The following BABAM2 variants were observed in gnomAD, a reference collection of about 807,000 sequenced individuals.
BABAM2 encodes BRISC and BRCA1 A complex member 2.
In BABAM2, 31 loss-of-function variants were observed where a neutral mutation model predicts 54.7. The observed-to-expected ratio is 0.57, with a 90% CI of 0.43 to 0.77. The LOEUF (loss-of-function observed/expected upper bound fraction) is 0.77. BABAM2 is among the 30% of genes least tolerant of loss of function. The pLI is 0.00. For missense variants in BABAM2, 364 were observed against 455.8 expected, an observed-to-expected ratio of 0.80 and a Z score of 1.83; for synonymous variants, 167 against 162.9, an observed-to-expected ratio of 1.03 and a Z score of -0.19.
chr2:27,948,715 G>T (rs1319898986), intron 3 of BABAM2, among the ~76,000 whole-genome samples: 6 of 152,086 alleles, frequency 3.9e-5, no homozygotes, highest in Non-Finnish European at 8.8e-5. Flanking sequence ...AGGTTGCAGT[G>T]AGCTGAAATC....
chr2:28,212,684 AC>A (rs1477120243), intron 7 of BABAM2, among the ~76,000 whole-genome samples: 1 of 152,046 alleles, frequency 6.6e-6, no homozygotes, highest in African/African-American at 2.4e-5. Context: ...CCTGCTCCCG[AC>A]CCCCTCATTT....
chr2:27,968,837 G>A (rs750308963), intron 3 of BABAM2, among the ~76,000 whole-genome samples: 2 of 152,178 alleles, frequency 1.3e-5, no homozygotes, highest in Non-Finnish European at 2.9e-5. Flanking sequence ...AGGTAGAAGG[G>A]ACTTGCCTTG....
intron 7 of BABAM2, among the ~76,000 whole-genome samples, chr2:28,130,616 T>C (rs1419428398): frequency 6.6e-6 from 1 of 151,758 alleles, no homozygotes; most frequent in Non-Finnish European, 1.5e-5. Context: ...GCATGCCTAA[T>C]GTTTTTATTT....
At chr2:28,063,973 C>T (rs1679110601) in intron 6 of BABAM2, among the ~76,000 whole-genome samples, 1 of 152,160 alleles carries the variant, frequency 6.6e-6, no homozygotes, top group Admixed American at 6.5e-5. Flanking sequence ...GATTTCAATT[C>T]AGGTCTGTCT....
At chr2:28,185,289 G>C (rs1676159242) in intron 7 of BABAM2, among the ~76,000 whole-genome samples, 1 of 152,144 alleles carries the variant, frequency 6.6e-6, no homozygotes, top group African/African-American at 2.4e-5. Flanking sequence ...ACTCCAGGTG[G>C]ATGTTTGTGT....
intron 11 of BABAM2, among the ~76,000 whole-genome samples, chr2:28,334,555 G>A (rs1014435503): frequency 2.6e-5 from 4 of 152,244 alleles, no homozygotes; most frequent in African/African-American, 9.6e-5. Context: ...GTACTGGGAT[G>A]GGCCAGACTC....
chr2:28,066,413 A>G (rs1324451706), intron 6 of BABAM2, among the ~76,000 whole-genome samples: 4 of 152,174 alleles, frequency 2.6e-5, no homozygotes, highest in African/African-American at 9.7e-5. Flanking sequence ...GAAGTCACTG[A>G]TAGCCTCTTT....
intron 4 of BABAM2, among the ~76,000 whole-genome samples, chr2:28,021,811 G>C (rs1321078724): frequency 6.6e-6 from 1 of 151,460 alleles, no homozygotes; most frequent in Non-Finnish European, 1.5e-5. Flanking sequence ...CCCTTTTTAA[G>C]CAGAGATGGT....
chr2:28,005,572 A>T (rs1258415954), intron 4 of BABAM2, among the ~76,000 whole-genome samples: 1 of 152,182 alleles, frequency 6.6e-6, no homozygotes, highest in East Asian at 1.9e-4. Flanking sequence ...TTTAAGCCAG[A>T]TTAAACAATT....
At chr2:27,933,886 A>G (rs369771932) in intron 3 of BABAM2, among the ~76,000 whole-genome samples, 1 of 149,114 alleles carries the variant, frequency 6.7e-6, no homozygotes, top group Admixed American at 6.8e-5. Flanking sequence ...GGCACACACC[A>G]CCATGCCCAG....
At chr2:27,915,618 T>C (rs936049767) in intron 2 of BABAM2, among the ~76,000 whole-genome samples, 1 of 152,240 alleles carries the variant, frequency 6.6e-6, no homozygotes, top group African/African-American at 2.4e-5. Context: ...TATGCTCATA[T>C]AGCAGATGCT....
chr2:28,195,081 A>G (rs1031813608), intron 7 of BABAM2, among the ~76,000 whole-genome samples: 1 of 152,140 alleles, frequency 6.6e-6, no homozygotes, highest in South Asian at 2.1e-4. Context: ...ATAGAGAGGA[A>G]CCTCTCTGAG....
intron 5 of BABAM2, among the ~76,000 whole-genome samples, chr2:28,026,883 T>A (rs13412617): frequency 7.9e-5 from 4 of 50,522 alleles, no homozygotes; most frequent in South Asian, 1.2e-3. Flanking sequence ...TTTATATATA[T>A]ATAGATATAT....
intron 6 of BABAM2, among the ~76,000 whole-genome samples, chr2:28,121,710 T>C (rs1286151229): frequency 1.3e-5 from 2 of 152,136 alleles, no homozygotes; most frequent in Non-Finnish European, 2.9e-5. Context: ...ATAACATTTG[T>C]AACATACTAT....
chr2:28,203,145 C>T (rs1457373087), intron 7 of BABAM2, among the ~76,000 whole-genome samples: 1 of 152,152 alleles, frequency 6.6e-6, no homozygotes, highest in Non-Finnish European at 1.5e-5. Context: ...ACTTAATTTA[C>T]TTCTTTTAGT....
At chr2:28,174,845 G>A (rs1033360554) in intron 7 of BABAM2, among the ~76,000 whole-genome samples, 5 of 152,074 alleles carry the variant, frequency 3.3e-5, no homozygotes, top group Non-Finnish European at 7.4e-5. Context: ...CAGCACCTGC[G>A]TCTCCACATC....
intron 6 of BABAM2, among the ~76,000 whole-genome samples, chr2:28,082,508 C>T (rs1267414165): frequency 1.3e-5 from 2 of 152,120 alleles, no homozygotes; most frequent in African/African-American, 2.4e-5. Flanking sequence ...GCCTTTGTAT[C>T]CTCTTCTCTA....
intron 7 of BABAM2, among the ~76,000 whole-genome samples, chr2:28,222,853 C>T (rs1365900995): frequency 6.6e-6 from 1 of 152,160 alleles, no homozygotes; most frequent in Non-Finnish European, 1.5e-5. Context: ...TTATCAGGCG[C>T]CTCAGTACAG....
At chr2:28,177,689 C>T (rs953636597) in intron 7 of BABAM2, among the ~76,000 whole-genome samples, 19 of 147,852 alleles carry the variant, frequency 1.3e-4, no homozygotes, top group African/African-American at 4.2e-4. Context: ...TGAAAAGATA[C>T]AGACTGGCTG....
Sources: allele counts gnomAD v4.1 joint callset (sites outside exome capture counted in the v4.1 genomes callset), GRCh38; gene constraint gnomAD v4.1.1; transcripts MANE v1.5; gene names NCBI Gene and HGNC (gene_info 2026-07-23, HGNC 2026-07-21).